Variants in TRPM5 observed in about 807,000 individuals in gnomAD.
TRPM5 encodes the protein MLSN1 and TRP-related.
TRPM5 carries 121 observed loss-of-function variants against 124.9 expected under a neutral mutation model. The observed-to-expected ratio is 0.97, with a 90% CI of 0.84 to 1.13. TRPM5 has a LOEUF of 1.13. Among genes scored for constraint, TRPM5 ranks in the 50% most tolerant of loss-of-function variants. TRPM5 has a pLI of 0.00. For synonymous variants in TRPM5, 781 were observed against 700.5 expected (o/e 1.11, Z -1.81); for missense variants, 1,643 against 1,589.1 (o/e 1.03, Z -0.58).
chr11:2,405,497 C>G (rs766769483), intron 23 of TRPM5, 30 bp downstream of exon 28: 2 of 1,550,376 alleles, frequency 1.3e-6, no homozygotes, highest in Admixed American at 2.0e-5. Context: ...CCATGCCCAC[C>G]CTCATCCCAC....
At chr11:2,408,640 C>CG (rs1850375048) in intron 18 of TRPM5, among the ~76,000 whole-genome samples, 1 of 152,198 alleles carries the variant, frequency 6.6e-6, no homozygotes, top group South Asian at 2.1e-4. Context: ...AAAACCAGAC[C>CG]CTCACACCTG....
intron 6 of TRPM5, 90 bp downstream of exon 11, chr11:2,418,077 G>T: frequency 8.0e-7 from 1 of 1,252,962 alleles, no homozygotes; most frequent in Non-Finnish European, 1.1e-6. Flanking sequence ...GGAGGAGTGG[G>T]CTGGAGGCTG....
At chr11:2,440,648 C>T in the TRPM5 span, among the ~76,000 whole-genome samples, 1 of 152,304 alleles carries the variant, frequency 6.6e-6, no homozygotes, top group Admixed American at 6.5e-5. This position sits in a 1 kb window ranked among gnomAD's most constrained non-coding sequence, Gnocchi z 5.2. Context: ...GTGCCCCCTT[C>T]GTTTTTTTTG....
chr11:2,404,984 C>T (rs915788141), exon 24 of TRPM5: 2 of 1,612,802 alleles, frequency 1.2e-6, no homozygotes, highest in Non-Finnish European at 1.7e-6. Flanking sequence ...TCCCAGCCAT[C>T]TAAACCACCT....
chr11:2,415,184 G>A, exon 9 of TRPM5: 1 of 1,585,804 alleles, frequency 6.3e-7, no homozygotes, highest in South Asian at 1.1e-5. Context: ...CCTGCAGGAA[G>A]TCCTTGAGTA....
At chr11:2,440,589 G>A in the TRPM5 span, among the ~76,000 whole-genome samples, 1 of 152,066 alleles carries the variant, frequency 6.6e-6, no homozygotes, top group Admixed American at 6.5e-5. This position sits in a 1 kb window ranked among gnomAD's most constrained non-coding sequence, Gnocchi z 5.2. Context: ...CTGTGGAGAC[G>A]CCCCTGGGAC....
intron 12 of TRPM5, among the ~76,000 whole-genome samples, chr11:2,413,793 C>T (rs1850505970): frequency 6.6e-6 from 1 of 152,220 alleles, no homozygotes; most frequent in Admixed American, 6.5e-5. Context: ...CTGCTGTACC[C>T]TTCACTAGGG....
the TRPM5 span, among the ~76,000 whole-genome samples, chr11:2,429,430 TTAA>T: frequency 2.7e-5 from 4 of 149,814 alleles, no homozygotes; most frequent in African/African-American, 9.9e-5. This position sits in a 1 kb window ranked among gnomAD's most constrained non-coding sequence, Gnocchi z 8.4. Flanking sequence ...GATGATAGTG[TTAA>T]TAATTGTGGT....
intron 3 of TRPM5, among the ~76,000 whole-genome samples, chr11:2,420,755 C>T (rs936399107): frequency 1.3e-5 from 2 of 152,228 alleles, no homozygotes; most frequent in Non-Finnish European, 2.9e-5. Context: ...TTAGACAGAC[C>T]CCAGCATGGG....
chr11:2,439,238 C>T, the TRPM5 span, among the ~76,000 whole-genome samples: 2 of 152,166 alleles, frequency 1.3e-5, no homozygotes, highest in African/African-American at 2.4e-5. Context: ...GAGAAAACAT[C>T]GGAAATACCA....
exon 15 of TRPM5, chr11:2,412,797 A>T: frequency 1.2e-6 from 2 of 1,608,086 alleles, no homozygotes; most frequent in Non-Finnish European, 1.7e-6. Flanking sequence ...CCAGAAGTAG[A>T]GGGTGACCTC....
chr11:2,407,197 A>G, exon 20 of TRPM5: 1 of 1,609,518 alleles, frequency 6.2e-7, no homozygotes, highest in Non-Finnish European at 8.5e-7. Context: ...AGCAGGATGA[A>G]GGGCGGGGCC....
chr11:2,405,032 A>G, exon 24 of TRPM5: 3 of 1,612,504 alleles, frequency 1.9e-6, no homozygotes, highest in Non-Finnish European at 1.7e-6. Context: ...CCCTCGCCAC[A>G]GTGCTGAGAG....
At chr11:2,405,218 T>C (rs1850290501) in intron 23 of TRPM5, among the ~76,000 whole-genome samples, 175 bp from the exon 29 acceptor site, 1 of 152,214 alleles carries the variant, frequency 6.6e-6, no homozygotes, top group South Asian at 2.1e-4. Context: ...CTGCCTGCAC[T>C]CCTGGGACTA....
intron 18 of TRPM5, among the ~76,000 whole-genome samples, chr11:2,409,299 A>G (rs1850393724): frequency 6.6e-6 from 1 of 151,328 alleles, no homozygotes; most frequent in Non-Finnish European, 1.5e-5. Context: ...TCCTCCCTGC[A>G]CTCTGGAGGA....
chr11:2,433,804 C>T, the TRPM5 span, among the ~76,000 whole-genome samples: 1 of 152,026 alleles, frequency 6.6e-6, no homozygotes, highest in African/African-American at 2.4e-5. Flanking sequence ...GTGTGGACAC[C>T]GTGGGCATTT....
the TRPM5 span, among the ~76,000 whole-genome samples, chr11:2,440,202 C>T: frequency 4.6e-5 from 7 of 152,232 alleles, no homozygotes; most frequent in Middle Eastern, 3.4e-3. This position sits in a 1 kb window ranked among gnomAD's most constrained non-coding sequence, Gnocchi z 5.2. Flanking sequence ...GGGGAGCAAG[C>T]GTTGAAAAAC....
At chr11:2,411,179 C>T (rs996137353) in intron 18 of TRPM5, among the ~76,000 whole-genome samples, 173 bp downstream of exon 23, 5 of 152,108 alleles carry the variant, frequency 3.3e-5, no homozygotes, top group African/African-American at 9.7e-5. Context: ...CAGGCCTGGC[C>T]CTTTGGGGTG....
chr11:2,420,941 G>A (rs910931701), intron 3 of TRPM5, 91 bp downstream of exon 8: 11 of 1,361,232 alleles, frequency 8.1e-6, no homozygotes, highest in Non-Finnish European at 1.1e-5. Flanking sequence ...CTCGAGTCCT[G>A]TCCTCCCAGA....
Sources: gnomAD v4.1 joint callset for allele counts (sites outside exome capture counted in the v4.1 genomes callset) on GRCh38, gnomAD v4.1.1 for gene constraint, Gnocchi (gnomAD v3.1) non-coding constraint, MANE v1.5 for transcripts, NCBI Gene and HGNC (gene_info 2026-07-23, HGNC 2026-07-21) for gene names.